CNTNAP3B: variants seen among roughly 807,000 people sequenced by gnomAD.
CNTNAP3B encodes contactin-associated protein-like 3B.
CNTNAP3B carries 25 observed loss-of-function variants against 108.9 expected under a neutral mutation model. The ratio of observed to expected loss-of-function variants is 0.23; its 90% CI spans 0.17 to 0.32. CNTNAP3B has a LOEUF of 0.32. Among genes scored for constraint, CNTNAP3B ranks in the 10% least tolerant of loss-of-function variants. The pLI is 1.00. For synonymous variants in CNTNAP3B, 103 were observed against 473.4 expected (o/e 0.22, Z 10.16); for missense variants, 252 against 1,210.4 (o/e 0.21, Z 11.75).
At chr9:41,948,087 T>G (rs1487077234) in intron 13 of CNTNAP3B, among the ~76,000 whole-genome samples, 12 of 151,788 alleles carry the variant, frequency 7.9e-5, no homozygotes, top group South Asian at 2.1e-4. Flanking sequence ...TTTTGTTTTG[T>G]TTTGGTTTTG....
At chr9:41,933,918 A>G (rs1300789567) in intron 14 of CNTNAP3B, among the ~76,000 whole-genome samples, 3 of 152,128 alleles carry the variant, frequency 2.0e-5, no homozygotes, top group Non-Finnish European at 4.4e-5. Context: ...TTATTCAACA[A>G]TAATGTATAA....
At chr9:42,024,689 A>G (rs2118460338) in intron 3 of CNTNAP3B, among the ~76,000 whole-genome samples, 1 of 139,990 alleles carries the variant, frequency 7.1e-6, no homozygotes, top group Non-Finnish European at 1.5e-5. Context: ...AAAAAAGAAA[A>G]AAAAACATGA....
intron 13 of CNTNAP3B, among the ~76,000 whole-genome samples, chr9:41,947,866 G>A (rs1382580161): frequency 1.4e-4 from 21 of 152,176 alleles, no homozygotes; most frequent in Admixed American, 4.6e-4. Context: ...GACATCAAAC[G>A]AATAATAAGA....
intron 15 of CNTNAP3B, among the ~76,000 whole-genome samples, chr9:41,924,338 C>T (rs1196047577): frequency 6.6e-6 from 1 of 152,294 alleles, no homozygotes; most frequent in African/African-American, 2.4e-5. Context: ...GCAATGAGAC[C>T]AGTCAGGGGA....
At chr9:42,086,992 A>G (rs1827717148) in intron 2 of CNTNAP3B, among the ~76,000 whole-genome samples, 1 of 127,202 alleles carries the variant, frequency 7.9e-6, no homozygotes, top group Admixed American at 7.9e-5. Flanking sequence ...ATTTTCTAAT[A>G]GCTATGTTTT....
At chr9:42,118,129 C>G (rs555908789) in intron 1 of CNTNAP3B, among the ~76,000 whole-genome samples, 1 of 138,746 alleles carries the variant, frequency 7.2e-6, no homozygotes, top group South Asian at 2.3e-4. Context: ...CCTTCTGAAA[C>G]TATTCCAATC....
intron 12 of CNTNAP3B, among the ~76,000 whole-genome samples, chr9:41,958,209 G>A (rs1338062951): frequency 7.9e-5 from 12 of 152,280 alleles, no homozygotes; most frequent in Non-Finnish European, 1.5e-4. Flanking sequence ...CCAGGCTCAA[G>A]CGATCCTCCC....
chr9:42,110,537 A>C lies in CNTNAP3B; in HGVS notation c.86-5798T>G, dbSNP rs1828175130. On this transcript the variant is annotated intron_variant, in intron 1 of 23. Transcript: ENST00000377561. Reference sequence around the variant, plus strand: ...ACAGAAAACCTCTTTGTTCTAAAAAAAAAAAAAAGAAAAAAAAAGATTCCT... The same window carrying C: ...ACAGAAAACCTCTTTGTTCTAAAAACAAAAAAAAGAAAAAAAAAGATTCCT... Among the ~76,000 whole-genome samples, 2 of 136,808 alleles carry C rather than the reference A, an allele frequency of 1.5e-5. 1 individual carries two copies. The highest frequency in any genetic ancestry group is 1.5e-4 in the Admixed American group (2 of 13,692). 89.8% of individuals were successfully genotyped at this position (136,808 alleles called of 152,430 possible). A position where few individuals can be genotyped will look rare whatever the true frequency, so the allele number is the denominator to read the frequency against.
chr9:41,926,398 G>A (rs996133916), intron 15 of CNTNAP3B, among the ~76,000 whole-genome samples: 7 of 152,304 alleles, frequency 4.6e-5, no homozygotes, highest in South Asian at 4.1e-4. Context: ...AAAGAGAAAC[G>A]AAGAGGAAGC....
At chr9:42,077,367 G>A (rs1396431980) in intron 2 of CNTNAP3B, among the ~76,000 whole-genome samples, 1 of 134,210 alleles carries the variant, frequency 7.5e-6, no homozygotes, top group Non-Finnish European at 1.6e-5. Context: ...TAGCCCTTGT[G>A]CAAGATTTGC....
chr9:41,961,956 T>C lies in CNTNAP3B; in HGVS notation c.1757-1064A>G, dbSNP rs1406566409. Among the ~76,000 whole-genome samples the C allele has an allele frequency of 4.6e-5, 7 of 152,408 alleles. No homozygotes were observed. In the East Asian group the frequency reaches 1.3e-3, roughly 29 times the overall value. On this transcript the variant is annotated intron_variant, in intron 11 of 23. Transcript: ENST00000377561. ...AAATAGATACATATATTTGTATATG[T>C]CTGGTAGGATTCACTCAAATTAATA...
chr9:42,044,327 T>G (rs1288915762), intron 3 of CNTNAP3B, among the ~76,000 whole-genome samples: 1 of 151,230 alleles, frequency 6.6e-6, no homozygotes, highest in East Asian at 1.9e-4. Context: ...TTGCAGTTTC[T>G]GGCATCCACC....
intron 11 of CNTNAP3B, among the ~76,000 whole-genome samples, chr9:41,964,334 C>T (rs544870990): frequency 6.6e-6 from 1 of 152,282 alleles, no homozygotes; most frequent in African/African-American, 2.4e-5. Flanking sequence ...TTTTTCAATC[C>T]TATGCGTACC....
intron 3 of CNTNAP3B, among the ~76,000 whole-genome samples, chr9:42,018,647 G>A (rs1043969935): frequency 8.6e-5 from 13 of 151,632 alleles, no homozygotes; most frequent in African/African-American, 2.4e-4. Flanking sequence ...GTGAGGCCAC[G>A]GCTCCAGCAG....
At chr9:41,997,038 A>G (rs1825911578) in intron 6 of CNTNAP3B, among the ~76,000 whole-genome samples, 1 of 111,510 alleles carries the variant, frequency 9.0e-6, no homozygotes, top group Admixed American at 9.7e-5. Context: ...GCTTAGATAC[A>G]TATGGGCAAT....
chr9:42,016,910 A>G (rs1826226318), intron 3 of CNTNAP3B, among the ~76,000 whole-genome samples: 1 of 151,562 alleles, frequency 6.6e-6, no homozygotes, highest in Non-Finnish European at 1.5e-5. Flanking sequence ...ATTCCTCTGC[A>G]ATTTGTGTGT....
Position 42,071,432 on chromosome 9 carries a change from T to C in CNTNAP3B, c.390+5437A>G, listed in dbSNP as rs570438547. 2.9e-5 allele frequency among the ~76,000 whole-genome samples: 4 copies of C among 137,294 alleles called. No individual in the cohort carries two copies. In the South Asian group the frequency reaches 9.3e-4, roughly 32 times the overall value. The allele number at this position is 137,294 out of a possible 152,430, so 90.1% of individuals were successfully genotyped here. A position where few individuals can be genotyped will look rare whatever the true frequency, so the allele number is the denominator to read the frequency against. Reference sequence around the variant, plus strand: ...TTAAAGAGCAGCTAGAAGAACAACATAGCACAAAATATTTGAAGCCACAGA... The same window carrying C: ...TTAAAGAGCAGCTAGAAGAACAACACAGCACAAAATATTTGAAGCCACAGA... On this transcript the variant is annotated intron_variant, in intron 3 of 23. Transcript: ENST00000377561.
chr9:41,932,511 T>C (rs184317219), intron 14 of CNTNAP3B, among the ~76,000 whole-genome samples: 1 of 146,808 alleles, frequency 6.8e-6, no homozygotes, highest in Admixed American at 6.8e-5. Context: ...TTTTTAACTT[T>C]TTTTTCTTCT....
intron 13 of CNTNAP3B, among the ~76,000 whole-genome samples, chr9:41,948,022 T>C (rs1291361470): frequency 1.6e-5 from 1 of 63,938 alleles, no homozygotes; most frequent in Non-Finnish European, 3.5e-5. Flanking sequence ...GAATTCATAA[T>C]TTAAAATTAC....
Sources: gnomAD v4.1 joint callset for allele counts (sites outside exome capture counted in the v4.1 genomes callset) on GRCh38, gnomAD v4.1.1 for gene constraint, MANE v1.5 for transcripts, NCBI Gene and HGNC (gene_info 2026-07-23, HGNC 2026-07-21) for gene names.